DDC: variants seen among roughly 807,000 people sequenced by gnomAD.
The protein encoded by DDC is aromatic-L-amino-acid decarboxylase.
DDC carries 43 observed loss-of-function variants against 60.0 expected under a neutral mutation model. The observed-to-expected ratio is 0.72, with a 90% CI of 0.56 to 0.92. DDC has a LOEUF of 0.92. Among genes scored for constraint, DDC ranks in the 40% least tolerant of loss-of-function variants. The probability of loss-of-function intolerance (pLI) is 0.00; values close to 1 mark genes in which losing one functional copy is unlikely to be tolerated. For missense variants in DDC, 573 were observed against 620.2 expected, an observed-to-expected ratio of 0.92 and a Z score of 0.81; for synonymous variants, 232 against 234.6, an observed-to-expected ratio of 0.99 and a Z score of 0.10.
chr7:50,467,614 G>A (rs557029377), intron 12 of DDC, among the ~76,000 whole-genome samples: 8 of 152,206 alleles, frequency 5.3e-5, no homozygotes, highest in Admixed American at 4.6e-4. Context: ...ACCGTGAGGA[G>A]GTATTTGATC....
chr7:50,480,371 T>C (rs2042740289), intron 9 of DDC, among the ~76,000 whole-genome samples: 1 of 152,232 alleles, frequency 6.6e-6, no homozygotes, highest in Non-Finnish European at 1.5e-5. Flanking sequence ...ACTTGTACTT[T>C]GCCATTGCAT....
intron 1 of DDC, among the ~76,000 whole-genome samples, chr7:50,563,019 G>A (rs1415847904): frequency 6.6e-6 from 1 of 152,034 alleles, no homozygotes; most frequent in African/African-American, 2.4e-5. Flanking sequence ...ATACAAAAAT[G>A]AGCTGGGCAC....
intron 1 of DDC, among the ~76,000 whole-genome samples, chr7:50,547,900 A>G (rs1343544508): frequency 6.6e-6 from 1 of 152,252 alleles, no homozygotes; most frequent in Non-Finnish European, 1.5e-5. Context: ...GGTTTGTGAC[A>G]ACCCTGAATC....
intron 1 of DDC, among the ~76,000 whole-genome samples, chr7:50,551,571 G>T (rs1010342376): frequency 6.6e-6 from 1 of 152,002 alleles, no homozygotes; most frequent in Non-Finnish European, 1.5e-5. Flanking sequence ...TAGCTTTTTC[G>T]TGTGTTTCTT....
chr7:50,553,295 C>A (rs1376070302), intron 1 of DDC, among the ~76,000 whole-genome samples: 1 of 152,054 alleles, frequency 6.6e-6, no homozygotes, highest in Non-Finnish European at 1.5e-5. Context: ...ATAGGGTTGA[C>A]ATTTTTTACA....
chr7:50,477,956 C>T (rs887173835), intron 10 of DDC, among the ~76,000 whole-genome samples: 18 of 151,930 alleles, frequency 1.2e-4, no homozygotes, highest in Non-Finnish European at 2.6e-4. Flanking sequence ...AATCCCAGCA[C>T]TTTGAGAGGC....
At chr7:50,540,654 C>T (rs760678608) in intron 2 of DDC, among the ~76,000 whole-genome samples, 30 of 152,234 alleles carry the variant, frequency 2.0e-4, no homozygotes, top group Non-Finnish European at 3.4e-4. Flanking sequence ...TCTGCTGTCC[C>T]TCAGCCTGGC....
rs531006356 is a variant in DDC at position 50,489,461 on chromosome 7, T to C, written c.944+5889A>G. ...AGGTTATTATATCCATATAACTTTC[T>C]GTATTGCTTCTAAAGTCATTGTACT... is the stretch of plus-strand genomic sequence containing the variant. On this transcript the variant is annotated intron_variant, in intron 9 of 14. Transcript: ENST00000444124. 9.8e-4 allele frequency among the ~76,000 whole-genome samples: 150 copies of C among 152,374 alleles called. 2 individuals are homozygous for C. Among genetic ancestry groups the C allele is most frequent in the Admixed American group, 1.6e-3 (25 of 15,310 alleles).
intron 3 of DDC, among the ~76,000 whole-genome samples, chr7:50,538,337 C>A (rs1268591856): frequency 1.3e-5 from 2 of 152,192 alleles, no homozygotes; most frequent in African/African-American, 4.8e-5. Context: ...GCAGCTGTCA[C>A]CCTCTGGGCA....
chr7:50,479,909 G>A, intron 9 of DDC, 46 bp from the exon 10 acceptor site: 1 of 1,512,466 alleles, frequency 6.6e-7, no homozygotes, highest in Non-Finnish European at 9.2e-7. Flanking sequence ...AAGTACCCTA[G>A]ACTGGACCAC....
At chr7:50,520,574 C>A (rs1038405789) in intron 6 of DDC, among the ~76,000 whole-genome samples, 4 of 152,142 alleles carry the variant, frequency 2.6e-5, no homozygotes, top group African/African-American at 9.7e-5. Context: ...AATCTAAAAT[C>A]TATAATCTAA....
At position 50,527,388 on chromosome 7, in the gene DDC, C is replaced by T. The variant is rs76881508; in HGVS notation, c.714+749G>A. On this transcript the variant is annotated intron_variant, in intron 6 of 14. Coordinates refer to ENST00000444124, the MANE Select transcript of DDC (RefSeq NM_001082971.2). ...TTTCCCTAGACAGAGTATTCTGAGT[C>T]TTAATATTGACACTATAGGTTCAAA... is the stretch of plus-strand genomic sequence containing the variant. Among the ~76,000 whole-genome samples, 294 of 152,176 alleles carry T rather than the reference C, an allele frequency of 1.9e-3. 2 individuals carry two copies. Among genetic ancestry groups the T allele is most frequent in the African/African-American group, 6.7e-3 (279 of 41,502 alleles).
At chr7:50,467,614 G>T (rs557029377) in intron 12 of DDC, among the ~76,000 whole-genome samples, 2 of 152,324 alleles carry the variant, frequency 1.3e-5, no homozygotes, top group African/African-American at 4.8e-5. Context: ...ACCGTGAGGA[G>T]GTATTTGATC....
chr7:50,467,860 G>A (rs1034444891), intron 12 of DDC, among the ~76,000 whole-genome samples: 3 of 152,222 alleles, frequency 2.0e-5, no homozygotes, highest in African/African-American at 7.2e-5. Flanking sequence ...CAGCTCTGTG[G>A]CTGCCACAGC....
chr7:50,513,948 C>G (rs1465972497), intron 6 of DDC, among the ~76,000 whole-genome samples: 2 of 152,156 alleles, frequency 1.3e-5, no homozygotes, highest in Non-Finnish European at 2.9e-5. Flanking sequence ...CTGCCCACCA[C>G]TGGGCCCTCT....
intron 10 of DDC, among the ~76,000 whole-genome samples, chr7:50,479,265 C>A (rs1445647829): frequency 6.6e-6 from 1 of 152,162 alleles, no homozygotes; most frequent in Admixed American, 6.5e-5. Flanking sequence ...CTGTCACCAG[C>A]GCCAGGCACA....
intron 4 of DDC, among the ~76,000 whole-genome samples, chr7:50,534,363 G>A (rs28531762): frequency 2.0e-5 from 3 of 152,128 alleles, no homozygotes; most frequent in Non-Finnish European, 2.9e-5. Context: ...TTGGGAGGCC[G>A]AGGTGGGTGG....
chr7:50,502,201 A>T (rs970978029), intron 7 of DDC, among the ~76,000 whole-genome samples: 2 of 152,208 alleles, frequency 1.3e-5, no homozygotes, highest in Non-Finnish European at 2.9e-5. Flanking sequence ...AGTGTTTCAA[A>T]CCAAACAAAT....
chr7:50,559,886 TCTCTTTGAA>T (rs1406893497), intron 1 of DDC, among the ~76,000 whole-genome samples: 8 of 152,226 alleles, frequency 5.3e-5, no homozygotes, highest in Non-Finnish European at 7.3e-5. Flanking sequence ...CCCCAGGCTA[TCTCTTTGAA>T]TTTGTGGCAA....
Sources: allele counts gnomAD v4.1 joint callset (sites outside exome capture counted in the v4.1 genomes callset), GRCh38; gene constraint gnomAD v4.1.1; transcripts MANE v1.5; gene names NCBI Gene and HGNC (gene_info 2026-07-23, HGNC 2026-07-21).